Variants in ILDR2 observed in about 807,000 individuals in gnomAD.
ILDR2 encodes the protein immunoglobulin-like domain-containing receptor 2.
ILDR2 carries 25 observed loss-of-function variants against 66.8 expected under a neutral mutation model. The observed-to-expected ratio is 0.37, with a 90% confidence interval of 0.27 to 0.52. The LOEUF (loss-of-function observed/expected upper bound fraction) is 0.52. Among genes scored for constraint, ILDR2 ranks in the 20% least tolerant of loss-of-function variants. ILDR2 has a pLI of 0.88. For synonymous variants in ILDR2, 367 were observed against 357.2 expected (o/e 1.03, Z -0.31); for missense variants, 827 against 876.8 (o/e 0.94, Z 0.72).
At chr1:166,927,269 G>T in intron 6 of ILDR2, 89 bp from the exon 7 acceptor site, 1 of 789,474 alleles carries the variant, frequency 1.3e-6, no homozygotes, top group Non-Finnish European at 2.1e-6. Flanking sequence ...AGAAAATAGG[G>T]TTTCCAATTA....
Position 166,974,015 on chromosome 1 carries a change from T to C in ILDR2, c.46+1208A>G, listed in dbSNP as rs543882223. Among the ~76,000 whole-genome samples, 5 of 152,342 alleles carry C rather than the reference T, an allele frequency of 3.3e-5. No individual in the cohort carries two copies. In the East Asian group the frequency reaches 9.6e-4, roughly 29 times the overall value. On this transcript the variant is annotated intron_variant, in intron 1 of 9. Transcript: ENST00000271417. ...AAATGGGGTATTTGCCTTTTCTTGC[T>C]AAATGTATTTTACCCCCTTTACATG... is the stretch of plus-strand genomic sequence containing the variant.
At chr1:166,942,696 G>A (rs1661377031) in intron 3 of ILDR2, among the ~76,000 whole-genome samples, 1 of 152,170 alleles carries the variant, frequency 6.6e-6, no homozygotes, top group South Asian at 2.1e-4. Flanking sequence ...CCTTGATGGT[G>A]TTCTAACATT....
chr1:166,921,138 G>A lies in ILDR2; in HGVS notation c.1453C>T (p.Arg485Cys), dbSNP rs931752264. Residue 485 changes from arginine to cysteine, a missense_variant, in exon 9 of 10, where the codon CGC (arginine) becomes TGC (cysteine). Arg to Cys is a radical substitution (Grantham distance 180, BLOSUM62 -3). This residue lies in a region of ILDR2 where 390 missense variants were observed against 353.6 expected (regional missense o/e 1.10). Transcript: ENST00000271417. This position sits in a 1 kb window ranked among gnomAD's most constrained non-coding sequence, Gnocchi z 5.3. ...CGGTCAGCATCGGTCAGGGGCTCGC[G>A]GCTGCGGCTGCGCTGACCGTAGTAC... Reference protein sequence around the residue: ...EEYYGQRSRSREPLTDADRGW... With the variant: ...EEYYGQRSRSCEPLTDADRGW... 6.5e-7 allele frequency: 1 copy of A among 1,530,432 alleles called. No individual in the cohort carries two copies. Among genetic ancestry groups the A allele is most frequent in the Non-Finnish European group, 8.7e-7 (1 of 1,144,270 alleles). The allele number at this position is 1,530,432 out of a possible 1,614,324, so 94.8% of individuals were successfully genotyped here.
rs1298682637 is a variant in ILDR2 at position 166,909,790 on chromosome 1, T to A, written c.*9565A>T. 7.6e-6 allele frequency: 1 copy of A among 131,858 alleles called. No individual in the cohort carries two copies. Among genetic ancestry groups the A allele is most frequent in the Non-Finnish European group, 1.6e-5 (1 of 63,694 alleles). 8.2% of individuals were successfully genotyped at this position (131,858 alleles called of 1,614,324 possible). ...ATATAAATATATATATTTATATATA[T>A]ATATATATATATATATCCTTCTAGC... On this transcript the variant is annotated 3_prime_UTR_variant, in exon 10 of 10. Coordinates refer to ENST00000271417, the MANE Select transcript of ILDR2 (RefSeq NM_199351.3).
Position 166,909,621 on chromosome 1 carries a change from G to A in ILDR2, c.*9734C>T, listed in dbSNP as rs1369005713. 1.3e-5 allele frequency: 2 copies of A among 151,538 alleles called. No individual in the cohort carries two copies. The highest frequency in any genetic ancestry group is 4.2e-4 in the South Asian group (2 of 4,780). 9.4% of individuals were successfully genotyped at this position (151,538 alleles called of 1,614,324 possible). On this transcript the variant is annotated 3_prime_UTR_variant, in exon 10 of 10. Coordinates refer to ENST00000271417, the MANE Select transcript of ILDR2 (RefSeq NM_199351.3). The stretch of plus-strand genomic sequence containing the variant: ...TACCAGCAACAAAAAGAGGCTGGGA[G>A]GGTGGGGTTGTATATTAATGTCCAT...
chr1:166,971,390 G>A (rs1372620754), intron 1 of ILDR2, among the ~76,000 whole-genome samples: 4 of 152,204 alleles, frequency 2.6e-5, no homozygotes, highest in Admixed American at 2.6e-4. Flanking sequence ...CTTCCTCTAT[G>A]CTCTCACAGC....
At chr1:166,957,345 G>A (rs1662340444) in intron 2 of ILDR2, among the ~76,000 whole-genome samples, 1 of 152,190 alleles carries the variant, frequency 6.6e-6, no homozygotes, top group Admixed American at 6.5e-5. Flanking sequence ...CATCTACCTG[G>A]CTCTGTTATT....
In ILDR2 at chr1:166,912,079, T is replaced by C. The variant is rs1278277935; in HGVS notation, c.*7276A>G. ...AAAGAAATCCACACCTGGTCACATG[T>C]TAATTAAACCAAAGAACACTAGAGA... On this transcript the variant is annotated 3_prime_UTR_variant, in exon 10 of 10. Transcript: ENST00000271417. 1 of 152,146 alleles carries C rather than the reference T, an allele frequency of 6.6e-6. No individual in the cohort carries two copies. The highest frequency in any genetic ancestry group is 2.4e-5 in the African/African-American group (1 of 41,450). The allele number at this position is 152,146 out of a possible 1,614,324, so 9.4% of individuals were successfully genotyped here. A position where few individuals can be genotyped will look rare whatever the true frequency, so the allele number is the denominator to read the frequency against.
chr1:166,925,776 T>C (rs182744500), intron 7 of ILDR2, among the ~76,000 whole-genome samples: 15 of 152,160 alleles, frequency 9.9e-5, no homozygotes, highest in Non-Finnish European at 1.8e-4. Context: ...ATTAAGCCCC[T>C]AGAGACCATT....
At position 166,936,496 on chromosome 1, in the gene ILDR2, G is replaced by T; in HGVS notation, c.703+95C>A. ...GACCAATCTTGGGGGTGGCAGGACA[G>T]GAGGTGGAGGAGGAACCCAGCGCAC... On this transcript the variant is annotated intron_variant, in intron 5 of 9. Coordinates refer to ENST00000271417, the MANE Select transcript of ILDR2 (RefSeq NM_199351.3). This position sits in a 1 kb window ranked among gnomAD's most constrained non-coding sequence, Gnocchi z 5.0. The T allele has an allele frequency of 6.4e-7, 1 of 1,564,582 alleles. No individual in the cohort carries two copies. The highest frequency in any genetic ancestry group is 8.7e-7 in the Non-Finnish European group (1 of 1,150,510).
chr1:166,960,966 A>G (rs1325415884), intron 1 of ILDR2, among the ~76,000 whole-genome samples: 17 of 152,224 alleles, frequency 1.1e-4, no homozygotes, highest in Admixed American at 1.0e-3. Context: ...AATGACTTCA[A>G]TTAGCAGTGG....
chr1:166,927,096 A>C lies in ILDR2; in HGVS notation c.965T>G (p.Phe322Cys), dbSNP rs773702542. ...GCCTCTCATCCTTCTGGCTGGATCA[A>C]ACTGAGCCAGCTCCTTCTCAACATA... ...LYYVEKELAQ[F>C]DPARRMRGRY... Residue 322 changes from phenylalanine to cysteine, a missense_variant, in exon 7 of 10, where the codon TTT (phenylalanine) becomes TGT (cysteine). Coordinates refer to ENST00000271417, the MANE Select transcript of ILDR2 (RefSeq NM_199351.3). The C allele has an allele frequency of 6.2e-7, 1 of 1,612,478 alleles. No homozygotes were observed. The highest frequency in any genetic ancestry group is 1.1e-5 in the South Asian group (1 of 90,788).
intron 1 of ILDR2, among the ~76,000 whole-genome samples, chr1:166,958,841 T>C (rs1163733260): frequency 6.6e-6 from 1 of 152,224 alleles, no homozygotes; most frequent in Non-Finnish European, 1.5e-5. Context: ...AGTACACTCT[T>C]CTTGCTACAG....
intron 1 of ILDR2, among the ~76,000 whole-genome samples, chr1:166,967,814 C>G (rs1209402261): frequency 6.6e-6 from 1 of 152,178 alleles, no homozygotes; most frequent in Non-Finnish European, 1.5e-5. Context: ...TGATGAATGG[C>G]ATCTCCAGCA....
At chr1:166,923,186 G>T (rs1355972781) in intron 7 of ILDR2, among the ~76,000 whole-genome samples, 1 of 152,180 alleles carries the variant, frequency 6.6e-6, no homozygotes, top group Non-Finnish European at 1.5e-5. Flanking sequence ...GATGAGCTGT[G>T]TTGATCCTAG....
chr1:166,946,660 C>T (rs1557946486), intron 3 of ILDR2, among the ~76,000 whole-genome samples: 1 of 152,040 alleles, frequency 6.6e-6, no homozygotes, highest in Non-Finnish European at 1.5e-5. Context: ...AGAATCTTAC[C>T]CCAAGTCACA....
Position 166,918,473 on chromosome 1 carries a change from G to A in ILDR2, c.*882C>T, listed in dbSNP as rs534109547. 6.6e-6 allele frequency: 1 copy of A among 152,150 alleles called. No homozygotes were observed. Among genetic ancestry groups the A allele is most frequent in the South Asian group, 2.1e-4 (1 of 4,810 alleles). 9.4% of individuals were successfully genotyped at this position (152,150 alleles called of 1,614,324 possible). A position where few individuals can be genotyped will look rare whatever the true frequency, so the allele number is the denominator to read the frequency against. On this transcript the variant is annotated 3_prime_UTR_variant, in exon 10 of 10. Coordinates refer to ENST00000271417, the MANE Select transcript of ILDR2 (RefSeq NM_199351.3). ...CTCTTTCCTCCCTCTTCTCTTTCAT[G>A]TGTATATTTTAAGCATTTATCACAA...
At chr1:166,943,416 C>T (rs901036627) in intron 3 of ILDR2, among the ~76,000 whole-genome samples, 2 of 149,186 alleles carry the variant, frequency 1.3e-5, no homozygotes, top group African/African-American at 2.5e-5. Flanking sequence ...GGCGTAAACC[C>T]GGGAGGCGGA....
intron 3 of ILDR2, among the ~76,000 whole-genome samples, chr1:166,954,777 C>T (rs1662176448): frequency 6.6e-6 from 1 of 152,102 alleles, no homozygotes; most frequent in Non-Finnish European, 1.5e-5. Flanking sequence ...TTGAGAATAG[C>T]ATTTTTGCCC....
Sources: gnomAD v4.1 joint callset for allele counts (sites outside exome capture counted in the v4.1 genomes callset) on GRCh38, gnomAD v4.1.1 for gene constraint, gnomAD v4.1.1 regional missense constraint, Gnocchi (gnomAD v3.1) non-coding constraint, MANE v1.5 for transcripts, NCBI Gene and HGNC (gene_info 2026-07-23, HGNC 2026-07-21) for gene names.